The following SH3D19 variants were observed in gnomAD, a reference collection of about 807,000 sequenced individuals.
SH3D19 encodes SH3 domain containing 19.
A neutral mutation model predicts 112.1 loss-of-function variants in SH3D19; 58 were observed. The observed-to-expected ratio is 0.52, with a 90% CI of 0.42 to 0.64. The LOEUF is 0.64. Ranked by LOEUF, SH3D19 falls within the 30% of genes least tolerant of loss-of-function variation. The probability of loss-of-function intolerance (pLI) is 0.00; values close to 1 mark genes in which losing one functional copy is unlikely to be tolerated. For synonymous variants in SH3D19, 391 were observed against 448.5 expected (o/e 0.87, Z 1.62); for missense variants, 1,090 against 1,263.4 (o/e 0.86, Z 2.08).
chr4:151,272,374 A>C (rs1369919070), intron 1 of SH3D19, among the ~76,000 whole-genome samples: 1 of 152,188 alleles, frequency 6.6e-6, no homozygotes, highest in Admixed American at 6.5e-5. Flanking sequence ...TGTGGGCTGA[A>C]AACCAGAGGA....
intron 1 of SH3D19, among the ~76,000 whole-genome samples, chr4:151,253,740 C>CA (rs10593842): frequency 6.2e-4 from 87 of 140,052 alleles, no homozygotes; most frequent in Middle Eastern, 3.7e-3. Flanking sequence ...GACTCCGTCT[C>CA]AAAAAAAAAA....
intron 1 of SH3D19, among the ~76,000 whole-genome samples, chr4:151,252,077 T>C (rs1440693355): frequency 6.6e-6 from 1 of 152,190 alleles, no homozygotes; most frequent in Non-Finnish European, 1.5e-5. Context: ...CTAAGCATTC[T>C]CACCTTCCAA....
chr4:151,176,982 T>G, intron 4 of SH3D19, 27 bp from the exon 5 acceptor site: 1 of 1,231,984 alleles, frequency 8.1e-7, no homozygotes, highest in Non-Finnish European at 1.0e-6. Context: ...TCAGTGAGGT[T>G]TTGCAGAATG....
At chr4:151,185,738 C>T (rs1183453202) in intron 3 of SH3D19, among the ~76,000 whole-genome samples, 3 of 152,168 alleles carry the variant, frequency 2.0e-5, no homozygotes, top group Non-Finnish European at 2.9e-5. Context: ...GCATATTCTT[C>T]ATGACCTGTG....
chr4:151,198,425 A>T (rs1267520211), intron 2 of SH3D19, among the ~76,000 whole-genome samples: 1 of 141,868 alleles, frequency 7.0e-6, no homozygotes, highest in African/African-American at 2.6e-5. Context: ...TATAAAATAT[A>T]TATTATATAA....
intron 1 of SH3D19, among the ~76,000 whole-genome samples, chr4:151,285,882 T>A (rs1222623342): frequency 1.3e-5 from 2 of 151,524 alleles, no homozygotes; most frequent in East Asian, 3.9e-4. Flanking sequence ...CTCTTAAAAA[T>A]ATATATATAC....
In SH3D19 at chr4:151,174,665, C is replaced by T; in HGVS notation, c.1534+5G>A. 1 of 1,493,646 alleles carries T rather than the reference C, an allele frequency of 6.7e-7. No homozygotes were observed. The highest frequency in any genetic ancestry group is 8.9e-7 in the Non-Finnish European group (1 of 1,122,576). The allele number at this position is 1,493,646 out of a possible 1,614,324, so 92.5% of individuals were successfully genotyped here. A position where few individuals can be genotyped will look rare whatever the true frequency, so the allele number is the denominator to read the frequency against. ...ATTCCCCTCCACTGCTGATTTTTCA[C>T]TCACCTAGAACCATCTCTGAACCAA... On this transcript the variant is annotated splice_donor_5th_base_variant and intron_variant, in intron 7 of 19. Transcript: ENST00000604030.
At chr4:151,163,570 T>TTTTC (rs963671578) in intron 8 of SH3D19, among the ~76,000 whole-genome samples, 2 of 147,436 alleles carry the variant, frequency 1.4e-5, no homozygotes, top group African/African-American at 2.4e-5. Context: ...ACTGCCAGTT[T>TTTTC]TTTCTTTCTT....
At chr4:151,295,073 A>G (rs890156100) in intron 1 of SH3D19, among the ~76,000 whole-genome samples, 5 of 152,254 alleles carry the variant, frequency 3.3e-5, no homozygotes, top group African/African-American at 1.2e-4. Context: ...GGAAAGGTGT[A>G]TGAACTGAGA....
intron 4 of SH3D19, among the ~76,000 whole-genome samples, chr4:151,179,035 A>G (rs570246841): frequency 6.6e-6 from 1 of 152,308 alleles, no homozygotes; most frequent in East Asian, 1.9e-4. Flanking sequence ...GTTAGGCAAC[A>G]TGTACTAAGT....
chr4:151,194,005 T>C (rs75379272), intron 2 of SH3D19, among the ~76,000 whole-genome samples: 346 of 150,188 alleles, frequency 2.3e-3, no homozygotes, highest in African/African-American at 8.0e-3. Context: ...TGTAGCAGTA[T>C]AGTAGGATTA....
At chr4:151,309,632 G>C (rs1341686518) in intron 1 of SH3D19, among the ~76,000 whole-genome samples, 4 of 152,182 alleles carry the variant, frequency 2.6e-5, no homozygotes, top group Non-Finnish European at 5.9e-5. Context: ...TAACCATCAG[G>C]GAAATGTAAA....
intron 2 of SH3D19, among the ~76,000 whole-genome samples, chr4:151,198,063 T>C (rs762224316): frequency 6.6e-6 from 1 of 151,960 alleles, no homozygotes; most frequent in African/African-American, 2.4e-5. Context: ...CCCAGCACTT[T>C]GGGAGGCTGA....
chr4:151,147,838 C>G, intron 11 of SH3D19, 84 bp downstream of exon 11: 1 of 1,474,626 alleles, frequency 6.8e-7, no homozygotes, highest in African/African-American at 1.4e-5. Context: ...TTTGTTCCAT[C>G]ATCTTTTTCT....
intron 1 of SH3D19, among the ~76,000 whole-genome samples, chr4:151,301,289 G>C (rs762561764): frequency 5.3e-5 from 8 of 152,194 alleles, no homozygotes; most frequent in Non-Finnish European, 8.8e-5. Context: ...GCGCAATGGC[G>C]CAATCTCGGC....
chr4:151,231,394 C>T (rs1473910461), intron 1 of SH3D19, among the ~76,000 whole-genome samples: 1 of 152,052 alleles, frequency 6.6e-6, no homozygotes, highest in Non-Finnish European at 1.5e-5. Context: ...TATATACATA[C>T]ACTTGAAAAG....
intron 1 of SH3D19, among the ~76,000 whole-genome samples, chr4:151,319,692 C>T (rs902686929): frequency 6.6e-6 from 1 of 152,184 alleles, no homozygotes; most frequent in African/African-American, 2.4e-5. Flanking sequence ...TTCTGAGTCT[C>T]AGTTTACTCA....
chr4:151,236,820 G>C (rs533628581), intron 1 of SH3D19, among the ~76,000 whole-genome samples: 2 of 152,232 alleles, frequency 1.3e-5, no homozygotes, highest in Non-Finnish European at 1.5e-5. Context: ...CTAAAGGTTT[G>C]TAAATGCACC....
At chr4:151,270,349 T>C (rs1337674652) in intron 1 of SH3D19, among the ~76,000 whole-genome samples, 2 of 152,120 alleles carry the variant, frequency 1.3e-5, no homozygotes, top group Non-Finnish European at 2.9e-5. Flanking sequence ...GTTCATTAAG[T>C]GTATGGCACC....
Sources: allele counts gnomAD v4.1 joint callset (sites outside exome capture counted in the v4.1 genomes callset), GRCh38; gene constraint gnomAD v4.1.1; transcripts MANE v1.5; gene names NCBI Gene and HGNC (gene_info 2026-07-23, HGNC 2026-07-21).